CHD5: variants seen among roughly 807,000 people sequenced by gnomAD.
CHD5 encodes the protein chromodomain helicase DNA binding protein 5.
In CHD5, 69 loss-of-function variants were observed where a neutral mutation model predicts 230.3. The observed-to-expected ratio is 0.30, with a 90% CI of 0.25 to 0.37. The LOEUF is 0.37. CHD5 is among the 10% of genes least tolerant of loss of function. The pLI, the probability that CHD5 is intolerant of heterozygous loss-of-function variation, is 1.00. For synonymous variants in CHD5, 1,064 were observed against 1,065.9 expected, an observed-to-expected ratio of 1.00 and a Z score of 0.03; for missense variants, 1,827 against 2,622.8, an observed-to-expected ratio of 0.70 and a Z score of 6.63.
rs1557542990 is a variant in CHD5, at chr1:6,125,197, G to C, written c.4297C>G (p.Leu1433Val). 6.2e-7 allele frequency: 1 copy of C among 1,607,240 alleles called. No homozygotes were observed. Among genetic ancestry groups the C allele is most frequent in the Non-Finnish European group, 8.5e-7 (1 of 1,178,558 alleles). Residue 1433 changes from leucine to valine, a missense_variant, in exon 29 of 42, where the codon CTG becomes GTG. Transcript: ENST00000262450. The surrounding 1 kb of genome is among the most constrained non-coding windows in gnomAD (Gnocchi z 6.7). ...GFNARQRKAF[L>V]NAIMRWGMPP... The stretch of plus-strand genomic sequence containing the variant: ...ATGCCCCAGCGCATGATGGCGTTCA[G>C]AAAGGCCTTCCGCTGTCGGGCATTG...
At chr1:6,152,891 C>T (rs1335213326) in intron 5 of CHD5, among the ~76,000 whole-genome samples, 2 of 152,202 alleles carry the variant, frequency 1.3e-5, no homozygotes, top group African/African-American at 4.8e-5. Context: ...GAAGGCACAG[C>T]CGCCCACCTG....
At chr1:6,113,425 A>G (rs540991785) in intron 33 of CHD5, 57 of 337,946 alleles carry the variant, frequency 1.7e-4, no homozygotes, top group South Asian at 1.3e-3. Flanking sequence ...CGCTGTTTCA[A>G]AAAAAAACAG....
rs1666847682 is a variant in CHD5, at chr1:6,142,702, A to G, written c.2044-97T>C. ...ACATGCAATTCCTTCTGCCTGGAAC[A>G]CTCTTCCCACTCCTGTCTGTCTTCC... On this transcript the variant is annotated intron_variant, in intron 13 of 41. Transcript: ENST00000262450. The surrounding 1 kb of genome is among the most constrained non-coding windows in gnomAD (Gnocchi z 5.2). 8.3e-7 allele frequency: 1 copy of G among 1,211,956 alleles called. No homozygotes were observed. The allele number at this position is 1,211,956 out of a possible 1,614,324, so 75.1% of individuals were successfully genotyped here.
intron 15 of CHD5, among the ~76,000 whole-genome samples, chr1:6,138,631 TC>T (rs1475281253): frequency 6.6e-6 from 1 of 152,186 alleles, no homozygotes; most frequent in Non-Finnish European, 1.5e-5. Flanking sequence ...TTGCACACAA[TC>T]TTTTAGCCGA....
At chr1:6,152,736 C>T (rs1043756802) in intron 5 of CHD5, among the ~76,000 whole-genome samples, 200 bp from the exon 6 acceptor site, 12 of 152,342 alleles carry the variant, frequency 7.9e-5, no homozygotes, top group Middle Eastern at 3.4e-3. Context: ...AACCAGATGA[C>T]GGCTCTGACT....
Position 6,170,903 on chromosome 1 carries a change from A to G in CHD5, c.80-2626T>C, listed in dbSNP as rs544169105. Among the ~76,000 whole-genome samples, 45 of 152,320 alleles carry G rather than the reference A, an allele frequency of 3.0e-4. No individual in the cohort carries two copies. In the South Asian group the frequency reaches 8.7e-3, roughly 29 times the overall value. On this transcript the variant is annotated intron_variant, in intron 1 of 41. Coordinates refer to ENST00000262450, the MANE Select transcript of CHD5 (RefSeq NM_015557.3). ...GCAGCCGATGGGATGCCAGTCCACA[A>G]CTGCCCGCTCTGCCACCGGGCCTCC...
At chr1:6,152,382 A>G in intron 6 of CHD5, 30 bp downstream of exon 6, 2 of 1,600,910 alleles carry the variant, frequency 1.2e-6, no homozygotes, top group African/African-American at 1.3e-5. Flanking sequence ...ATGCAAATGC[A>G]CACACACGCG....
rs575767468 is a variant in CHD5 at position 6,138,680 on chromosome 1, T to C, written c.2437-1815A>G. On this transcript the variant is annotated intron_variant, in intron 15 of 41. Transcript: ENST00000262450. ...TCGCCTATCTAGGTGAAGAATGCTA[T>C]GAGATCTCAAAGAGCTAAGTCTGTT... is the stretch of plus-strand genomic sequence containing the variant. Among the ~76,000 whole-genome samples, 5 of 152,344 alleles carry C rather than the reference T, an allele frequency of 3.3e-5. No individual in the cohort carries two copies. The East Asian group carries it at 7.7e-4, about 24-fold the overall frequency.
intron 11 of CHD5, among the ~76,000 whole-genome samples, chr1:6,145,481 C>CA (rs1403053234): frequency 6.6e-6 from 1 of 152,240 alleles, no homozygotes; most frequent in Admixed American, 6.5e-5. Flanking sequence ...CAGCCACCAC[C>CA]AGTTCTCAAG....
chr1:6,114,993 G>A (rs535843531), intron 33 of CHD5, among the ~76,000 whole-genome samples: 9 of 149,408 alleles, frequency 6.0e-5, no homozygotes, highest in East Asian at 2.0e-4. Flanking sequence ...CAGCCTGGGC[G>A]ACAGAGCGAG....
chr1:6,158,338 T>C (rs1667111267), intron 3 of CHD5, among the ~76,000 whole-genome samples: 1 of 152,250 alleles, frequency 6.6e-6, no homozygotes, highest in Admixed American at 6.5e-5. Flanking sequence ...CGGGAATGCC[T>C]GCTTGGGCAG....
At chr1:6,156,519 G>C (rs1415885861) in intron 3 of CHD5, among the ~76,000 whole-genome samples, 1 of 139,500 alleles carries the variant, frequency 7.2e-6, no homozygotes, top group Admixed American at 7.5e-5. Context: ...CTGGGTGACA[G>C]AGCAAGATTC....
chr1:6,172,348 T>C (rs1667351562), intron 1 of CHD5, among the ~76,000 whole-genome samples: 1 of 152,164 alleles, frequency 6.6e-6, no homozygotes, highest in Admixed American at 6.5e-5. Flanking sequence ...TTTATTTATT[T>C]ATTTTAGAGA....
At chr1:6,115,025 A>AGG (rs1553137784) in intron 33 of CHD5, among the ~76,000 whole-genome samples, 32 of 142,558 alleles carry the variant, frequency 2.2e-4, no homozygotes, top group Non-Finnish European at 3.7e-4. Flanking sequence ...AAAAAAAAAA[A>AGG]GGGGGGGGCA....
At chr1:6,177,238 G>A (rs964667769) in intron 1 of CHD5, among the ~76,000 whole-genome samples, 22 of 152,310 alleles carry the variant, frequency 1.4e-4, no homozygotes, top group South Asian at 8.3e-4. Context: ...GGGGGTCACC[G>A]CCACTGAGCT....
chr1:6,121,189 T>A lies in CHD5; in HGVS notation c.4828A>T (p.Ser1610Cys). The A allele has an allele frequency of 6.2e-7, 1 of 1,613,798 alleles. No homozygotes were observed. Among genetic ancestry groups the A allele is most frequent in the Non-Finnish European group, 8.5e-7 (1 of 1,179,912 alleles). ...DRVESEDKHE[S>C]PASKERAREE... is the part of the protein sequence containing the mutation. Reference sequence around the variant, plus strand: ...CGGGCTCTCTCCTTGCTGGCTGGGCTCTCGTGCTTGTCCTCACTCTCCACT... The same window carrying A: ...CGGGCTCTCTCCTTGCTGGCTGGGCACTCGTGCTTGTCCTCACTCTCCACT... Residue 1610 changes from serine (S) to cysteine (C), a missense_variant, in exon 33 of 42, where the codon AGC (serine) becomes TGC (cysteine). Ser to Cys is a moderately radical substitution (Grantham distance 112). This residue lies in a region of CHD5 where 272 missense variants were observed against 263.2 expected (regional missense o/e 1.03). Transcript: ENST00000262450. This position sits in a 1 kb window ranked among gnomAD's most constrained non-coding sequence, Gnocchi z 4.5.
At chr1:6,176,437 T>C (rs1017652790) in intron 1 of CHD5, among the ~76,000 whole-genome samples, 5 of 152,168 alleles carry the variant, frequency 3.3e-5, no homozygotes, top group African/African-American at 1.2e-4. Context: ...GGCAGGGAAT[T>C]TGCCAGCCCA....
chr1:6,112,383 C>T, intron 34 of CHD5, 106 bp from the exon 35 acceptor site: 1 of 1,393,932 alleles, frequency 7.2e-7, no homozygotes, highest in East Asian at 2.3e-5. Flanking sequence ...AGAAAACATC[C>T]TCTTGTCCTC....
chr1:6,112,326 G>A, intron 34 of CHD5, 49 bp from the exon 35 acceptor site: 2 of 1,599,972 alleles, frequency 1.3e-6, no homozygotes, highest in Non-Finnish European at 1.7e-6. Flanking sequence ...AAAAAGCAGT[G>A]CCCAGCGGCC....
Sources: gnomAD v4.1 joint callset for allele counts (sites outside exome capture counted in the v4.1 genomes callset) on GRCh38, gnomAD v4.1.1 for gene constraint, gnomAD v4.1.1 regional missense constraint, Gnocchi (gnomAD v3.1) non-coding constraint, MANE v1.5 for transcripts, NCBI Gene and HGNC (gene_info 2026-07-23, HGNC 2026-07-21) for gene names.